CNIH3: variants seen among roughly 807,000 people sequenced by gnomAD.
CNIH3 encodes cornichon family AMPA receptor auxiliary protein 3, also known as protein cornichon homolog 3.
CNIH3 carries 14 observed loss-of-function variants against 24.1 expected under a neutral mutation model. The observed-to-expected ratio is 0.58, with a 90% CI of 0.38 to 0.91. The LOEUF is 0.91. Ranked by LOEUF, CNIH3 falls within the 40% of genes least tolerant of loss-of-function variation. The probability of loss-of-function intolerance (pLI) is 0.00; values close to 1 mark genes in which losing one functional copy is unlikely to be tolerated. For missense variants in CNIH3, 178 were observed against 196.8 expected (o/e 0.90, Z 0.57); for synonymous variants, 68 against 73.8 (o/e 0.92, Z 0.40).
At chr1:224,510,780 G>T (rs1050090565) in intron 1 of CNIH3, among the ~76,000 whole-genome samples, 1 of 152,116 alleles carries the variant, frequency 6.6e-6, no homozygotes, top group Non-Finnish European at 1.5e-5. Flanking sequence ...CTCCAAAGGG[G>T]GTTCTGGAGC....
chr1:224,520,638 C>G (rs1678586341), intron 1 of CNIH3, among the ~76,000 whole-genome samples: 1 of 152,178 alleles, frequency 6.6e-6, no homozygotes, highest in African/African-American at 2.4e-5. Context: ...GATAGAGGTT[C>G]TGGGACAGGA....
At chr1:224,467,281 C>A (rs1357584587) in intron 1 of CNIH3, among the ~76,000 whole-genome samples, 3 of 152,156 alleles carry the variant, frequency 2.0e-5, no homozygotes, top group African/African-American at 7.2e-5. Context: ...GCCATCTGCC[C>A]ACCTCTGCCT....
intron 5 of CNIH3, among the ~76,000 whole-genome samples, chr1:224,588,167 A>G (rs1681591227): frequency 1.3e-5 from 2 of 152,014 alleles, no homozygotes; most frequent in Non-Finnish European, 2.9e-5. Flanking sequence ...GTGGGTAGAG[A>G]TGACATCAAC....
rs1245955567 is a variant in CNIH3 at position 224,572,087 on chromosome 1, A to G, written n.516+5823A>G. Reference sequence around the variant, plus strand: ...GCCAGGAGGTGGTTGTATAAGGAAGATATCTGGATTAACCACACTGCAGAA... The same window carrying G: ...GCCAGGAGGTGGTTGTATAAGGAAGGTATCTGGATTAACCACACTGCAGAA... On this transcript the variant is annotated intron_variant and non_coding_transcript_variant, in intron 4 of 5. Transcript: ENST00000471578. 2.6e-5 allele frequency among the ~76,000 whole-genome samples: 4 copies of G among 152,302 alleles called. No homozygotes were observed. The East Asian group carries it at 7.7e-4, about 29-fold the overall frequency.
At chr1:224,633,724 G>A (rs1683943378) in intron 1 of CNIH3, among the ~76,000 whole-genome samples, 1 of 152,140 alleles carries the variant, frequency 6.6e-6, no homozygotes, top group African/African-American at 2.4e-5. Flanking sequence ...GTGGAAGGGT[G>A]GGCCTCTAGA....
intron 3 of CNIH3, among the ~76,000 whole-genome samples, chr1:224,706,394 G>A (rs1222935463): frequency 6.6e-6 from 1 of 152,094 alleles, no homozygotes; most frequent in Non-Finnish European, 1.5e-5. Flanking sequence ...TAGCATCCTC[G>A]CCTGTTCCGG....
chr1:224,731,628 T>G (rs1362775191), intron 4 of CNIH3, among the ~76,000 whole-genome samples: 1 of 152,234 alleles, frequency 6.6e-6, no homozygotes, highest in Non-Finnish European at 1.5e-5. Flanking sequence ...CGCCAGGCAT[T>G]GTGAGGGATT....
At chr1:224,538,233 G>A (rs907069747), downstream of CNIH3, among the ~76,000 whole-genome samples, 4 of 152,124 alleles carry the variant, frequency 2.6e-5, no homozygotes, top group African/African-American at 9.7e-5. Context: ...ACAGGAGTGA[G>A]CCACTGCGCC....
intron 3 of CNIH3, among the ~76,000 whole-genome samples, chr1:224,692,490 C>G (rs1686978753): frequency 6.6e-6 from 1 of 152,140 alleles, no homozygotes; most frequent in Non-Finnish European, 1.5e-5. Flanking sequence ...TACGTAAACT[C>G]AAAGGCAGTT....
At chr1:224,731,042 C>T (rs946682563) in intron 4 of CNIH3, among the ~76,000 whole-genome samples, 1 of 152,086 alleles carries the variant, frequency 6.6e-6, no homozygotes, top group Non-Finnish European at 1.5e-5. Context: ...TAGGAAATGT[C>T]CAGGAAAGGC....
upstream of CNIH3, among the ~76,000 whole-genome samples, chr1:224,614,715 G>A (rs1682860370): frequency 6.6e-6 from 1 of 151,986 alleles, no homozygotes; most frequent in Admixed American, 6.6e-5. Flanking sequence ...TTGGGAGGCC[G>A]AGGTGGGTAG....
At chr1:224,657,173 G>A (rs1024241540) in intron 1 of CNIH3, among the ~76,000 whole-genome samples, 5 of 152,114 alleles carry the variant, frequency 3.3e-5, no homozygotes, top group African/African-American at 7.2e-5. Context: ...TCCTTCAGTA[G>A]GATACCTATA....
At chr1:224,619,222 A>G (rs753218893) in intron 1 of CNIH3, among the ~76,000 whole-genome samples, 35 of 152,238 alleles carry the variant, frequency 2.3e-4, no homozygotes, top group Non-Finnish European at 1.9e-4. Flanking sequence ...AAGATGATTA[A>G]TAATTCAAGA....
chr1:224,674,979 GC>G (rs1375596009), intron 1 of CNIH3, among the ~76,000 whole-genome samples: 1 of 152,158 alleles, frequency 6.6e-6, no homozygotes, highest in African/African-American at 2.4e-5. Flanking sequence ...GCAGGGCCGG[GC>G]CCCAGGCAGC....
chr1:224,483,831 T>C (rs1676916357), intron 1 of CNIH3, among the ~76,000 whole-genome samples: 1 of 152,168 alleles, frequency 6.6e-6, no homozygotes, highest in Admixed American at 6.5e-5. Context: ...GCATTTTTTC[T>C]GATAAGAAAT....
intron 3 of CNIH3, among the ~76,000 whole-genome samples, chr1:224,711,763 C>T (rs12080856): frequency 1.1e-4 from 15 of 138,026 alleles, no homozygotes; most frequent in African/African-American, 4.1e-4. Context: ...CCACTGCACT[C>T]CAGCTTGGGT....
chr1:224,448,167 G>A (rs1675242212), intron 1 of CNIH3, among the ~76,000 whole-genome samples: 1 of 152,144 alleles, frequency 6.6e-6, no homozygotes, highest in Non-Finnish European at 1.5e-5. Context: ...AGCCCAGGAG[G>A]TTGAGGCTGC....
intron 1 of CNIH3, among the ~76,000 whole-genome samples, chr1:224,510,407 C>G (rs1678097056): frequency 6.6e-6 from 1 of 151,770 alleles, no homozygotes; most frequent in Admixed American, 6.6e-5. Flanking sequence ...TTGGGAGACT[C>G]AGAATTGAGG....
chr1:224,448,023 A>G (rs1675235557), intron 1 of CNIH3, among the ~76,000 whole-genome samples: 1 of 152,200 alleles, frequency 6.6e-6, no homozygotes, highest in Non-Finnish European at 1.5e-5. Flanking sequence ...CCATGCTGTT[A>G]ACATTATATA....
Sources: gnomAD v4.1 joint callset for allele counts (sites outside exome capture counted in the v4.1 genomes callset) on GRCh38, gnomAD v4.1.1 for gene constraint, MANE v1.5 for transcripts, NCBI Gene and HGNC (gene_info 2026-07-23, HGNC 2026-07-21) for gene names.